Variants in INPP5D observed in about 807,000 individuals in gnomAD.
INPP5D encodes the protein phosphatidylinositol 3,4,5-trisphosphate 5-phosphatase 1.
INPP5D carries 33 observed loss-of-function variants against 122.9 expected under a neutral mutation model. That is an observed-to-expected ratio of 0.27 (90% CI 0.20 to 0.36). The LOEUF (loss-of-function observed/expected upper bound fraction) is 0.36, where lower values mean the gene tolerates loss of function less well. INPP5D is among the 10% of genes least tolerant of loss of function. The probability of loss-of-function intolerance (pLI) is 1.00; values close to 1 mark genes in which losing one functional copy is unlikely to be tolerated. For missense variants in INPP5D, 1,053 were observed against 1,412.7 expected (o/e 0.75, Z 4.08); for synonymous variants, 584 against 576.2 (o/e 1.01, Z -0.19).
chr2:233,125,604 G>A (rs1045930113), intron 3 of INPP5D, 141 bp from the exon 4 acceptor site: 24 of 745,876 alleles, frequency 3.2e-5, no homozygotes, highest in Non-Finnish European at 5.2e-5. Flanking sequence ...TCTCCCTCCA[G>A]GAGGGAGTCA....
chr2:233,166,216 C>T (rs1694334922), intron 13 of INPP5D, among the ~76,000 whole-genome samples: 1 of 152,154 alleles, frequency 6.6e-6, no homozygotes, highest in Non-Finnish European at 1.5e-5. Context: ...CAGTCCCTCC[C>T]ACCAGCCCCT....
rs573789897 is a variant in INPP5D, at chr2:233,175,935, G to C, written c.1990-1330G>C. Among the ~76,000 whole-genome samples the C allele has an allele frequency of 5.7e-4, 87 of 152,274 alleles. No individual in the cohort carries two copies. The Middle Eastern group carries it at 0.017, about 30-fold the overall frequency. On this transcript the variant is annotated intron_variant, in intron 17 of 26. Coordinates refer to ENST00000445964, the MANE Select transcript of INPP5D (RefSeq NM_001017915.3). ...GACCTCAGGTGATCCACCCGCCTTGGCCTCCCAAAGTGCTGGGATTACAGG... is the reference window on the plus strand; with the variant it reads ...GACCTCAGGTGATCCACCCGCCTTGCCCTCCCAAAGTGCTGGGATTACAGG...
rs996105197 is a variant in INPP5D at position 233,123,601 on chromosome 2, C to T, written c.349+1344C>T. ...CTTACCTGGGGATGCCCCACTTTTCCCCTCAAGGATTTACTGAGAATATAC... is the reference window on the plus strand; with the variant it reads ...CTTACCTGGGGATGCCCCACTTTTCTCCTCAAGGATTTACTGAGAATATAC... On this transcript the variant is annotated intron_variant, in intron 3 of 26. Transcript: ENST00000445964. Among the ~76,000 whole-genome samples, 10 of 152,296 alleles carry T rather than the reference C, an allele frequency of 6.6e-5. No homozygotes were observed. The East Asian group carries it at 1.9e-3, about 29-fold the overall frequency.
At chr2:233,079,530 T>G in intron 2 of INPP5D, 132 bp downstream of exon 2, 2 of 671,264 alleles carry the variant, frequency 3.0e-6, no homozygotes, top group Non-Finnish European at 5.4e-6. Flanking sequence ...CCTGGCTTCC[T>G]CCCAGGTGTC....
chr2:233,121,134 C>CTTTTTTTTTTTTTTT (rs371416856), intron 2 of INPP5D, among the ~76,000 whole-genome samples: 3 of 103,396 alleles, frequency 2.9e-5, no homozygotes, highest in South Asian at 3.2e-4. Flanking sequence ...TTTTTTTTTT[C>CTTTTTTTTTTTTTTT]TTTTTTTTTT....
At chr2:233,073,961 A>G (rs1026206154) in intron 1 of INPP5D, among the ~76,000 whole-genome samples, 2 of 152,190 alleles carry the variant, frequency 1.3e-5, no homozygotes, top group Non-Finnish European at 2.9e-5. Context: ...GGTCTCTCGA[A>G]TCTTCCTGAG....
intron 5 of INPP5D, chr2:233,133,847 TC>T: frequency 2.5e-6 from 1 of 405,110 alleles, no homozygotes; most frequent in South Asian, 1.8e-5. Context: ...AGGATGGCAG[TC>T]CATGAGGAAG....
intron 1 of INPP5D, among the ~76,000 whole-genome samples, chr2:233,075,493 G>T (rs1350130065): frequency 7.0e-6 from 1 of 142,492 alleles, no homozygotes; most frequent in Non-Finnish European, 1.6e-5. Context: ...TAAACATTTT[G>T]CATGCAAGAT....
intron 2 of INPP5D, among the ~76,000 whole-genome samples, chr2:233,099,551 C>A (rs771865434): frequency 1.2e-4 from 19 of 152,230 alleles, no homozygotes; most frequent in Non-Finnish European, 2.5e-4. Flanking sequence ...CACAAATGAA[C>A]CCCATAAAAT....
At chr2:233,175,205 G>A (rs939150805) in intron 17 of INPP5D, among the ~76,000 whole-genome samples, 6 of 98,988 alleles carry the variant, frequency 6.1e-5, no homozygotes, top group African/African-American at 1.6e-4. Context: ...GCAACAGGGC[G>A]AGACTCCATC....
At position 233,089,200 on chromosome 2, in the gene INPP5D, G is replaced by A. The variant is rs139708988; in HGVS notation, c.198+9802G>A. The stretch of plus-strand genomic sequence containing the variant: ...AGGACACGGGAGGGACCAGCGGGAG[G>A]CCCCACAACTCCCACCTGGGGCCTA... On this transcript the variant is annotated intron_variant, in intron 2 of 26. Transcript: ENST00000445964. Among the ~76,000 whole-genome samples the A allele has an allele frequency of 3.0e-3, 453 of 152,228 alleles. 1 individual carries two copies. Among genetic ancestry groups the A allele is most frequent in the African/African-American group, 0.01 (427 of 41,536 alleles).
In INPP5D at chr2:233,195,512, G is replaced by GT. The variant is rs1185382083; in HGVS notation, c.2693+18dup. ...CACTAGCAGGTAAAGTGGGCGTGGG[G>GT]TGGGTGTTGGGGGGGGTGGATATCA... On this transcript the variant is annotated intron_variant, in intron 24 of 26. Transcript: ENST00000445964. 6.2e-7 allele frequency: 1 copy of GT among 1,612,396 alleles called. No homozygotes were observed. The highest frequency in any genetic ancestry group is 8.5e-7 in the Non-Finnish European group (1 of 1,179,274).
chr2:233,085,026 T>C (rs891943651), intron 2 of INPP5D, among the ~76,000 whole-genome samples: 9 of 152,224 alleles, frequency 5.9e-5, no homozygotes, highest in Non-Finnish European at 2.9e-5. Context: ...ATTTGATAGA[T>C]ATAAAATTCT....
intron 13 of INPP5D, among the ~76,000 whole-genome samples, chr2:233,165,854 G>A (rs973135833): frequency 1.3e-5 from 2 of 150,642 alleles, no homozygotes; most frequent in South Asian, 4.2e-4. Flanking sequence ...GTGTGTTTGT[G>A]TGTGTGTGTG....
intron 22 of INPP5D, among the ~76,000 whole-genome samples, chr2:233,191,842 G>C (rs1695066412): frequency 6.6e-6 from 1 of 152,162 alleles, no homozygotes; most frequent in Non-Finnish European, 1.5e-5. Context: ...TTTGAATACT[G>C]CTCGGTGGAA....
intron 9 of INPP5D, among the ~76,000 whole-genome samples, chr2:233,157,254 C>T (rs889416827): frequency 1.3e-5 from 2 of 152,118 alleles, no homozygotes; most frequent in African/African-American, 4.8e-5. Flanking sequence ...GAGAGAGAAA[C>T]GTATTCCTGG....
intron 1 of INPP5D, among the ~76,000 whole-genome samples, chr2:233,077,967 G>A (rs972097851): frequency 1.3e-5 from 2 of 152,174 alleles, no homozygotes; most frequent in Non-Finnish European, 2.9e-5. Flanking sequence ...CTTCTACACT[G>A]AGGCACTGGC....
Position 233,206,745 on chromosome 2 carries a change from A to G in INPP5D, c.*37A>G. 1 of 761,912 alleles carries G rather than the reference A, an allele frequency of 1.3e-6. No homozygotes were observed. The highest frequency in any genetic ancestry group is 2.3e-4 in the Middle Eastern group (1 of 4,412). 47.2% of individuals were successfully genotyped at this position (761,912 alleles called of 1,614,324 possible). On this transcript the variant is annotated 3_prime_UTR_variant, in exon 27 of 27. Coordinates refer to ENST00000445964, the MANE Select transcript of INPP5D (RefSeq NM_001017915.3). The surrounding 1 kb of genome is among the most constrained non-coding windows in gnomAD (Gnocchi z 4.0). Reference sequence around the variant, plus strand: ...AGCTGCCACTGAGTCGGGAGCCCAGAGGAACGGCGTGAAGCCACTGGACCC... The same window carrying G: ...AGCTGCCACTGAGTCGGGAGCCCAGGGGAACGGCGTGAAGCCACTGGACCC...
At chr2:233,196,645 C>G (rs1005044771) in intron 24 of INPP5D, among the ~76,000 whole-genome samples, 1 of 152,206 alleles carries the variant, frequency 6.6e-6, no homozygotes, top group Non-Finnish European at 1.5e-5. Flanking sequence ...ATGTTAAAGT[C>G]TGTATTACCA....
Sources: allele counts gnomAD v4.1 joint callset (sites outside exome capture counted in the v4.1 genomes callset), GRCh38; gene constraint gnomAD v4.1.1; non-coding constraint Gnocchi (gnomAD v3.1); transcripts MANE v1.5; gene names NCBI Gene and HGNC (gene_info 2026-07-23, HGNC 2026-07-21).